Variants in PPP3CA observed in about 807,000 individuals in gnomAD.
PPP3CA encodes CAM-PRP catalytic subunit.
In PPP3CA, 14 loss-of-function variants were observed where a neutral mutation model predicts 66.5. The ratio of observed to expected loss-of-function variants is 0.21; its 90% CI spans 0.14 to 0.33. The LOEUF is 0.33. Ranked by LOEUF, PPP3CA falls within the 10% of genes least tolerant of loss-of-function variation. PPP3CA has a pLI of 1.00. For synonymous variants in PPP3CA, 232 were observed against 226.2 expected (o/e 1.03, Z -0.23); for missense variants, 317 against 639.5 (o/e 0.50, Z 5.44).
At chr4:101,069,828 A>AT (rs1314258702) in intron 8 of PPP3CA, among the ~76,000 whole-genome samples, 4 of 152,264 alleles carry the variant, frequency 2.6e-5, no homozygotes, top group Non-Finnish European at 2.9e-5. Flanking sequence ...CCTTCAGGAC[A>AT]TTTTTTTCTC....
chr4:101,295,055 A>G (rs2850360), intron 1 of PPP3CA, among the ~76,000 whole-genome samples: 28,268 of 151,128 alleles, frequency 0.19, 3,279 homozygotes, highest in East Asian at 0.48. Flanking sequence ...TAATCCCAGC[A>G]CTTTGGGAGG....
In PPP3CA at chr4:101,040,470, GA is replaced by G. The variant is rs1560574233; in HGVS notation, c.1241+11del. The G allele has an allele frequency of 6.3e-7, 1 of 1,578,614 alleles. No individual in the cohort carries two copies. The highest frequency in any genetic ancestry group is 8.6e-7 in the Non-Finnish European group (1 of 1,160,488). The stretch of plus-strand genomic sequence containing the variant: ...ACAATTTGAAACAAAAACAGAGTAC[GA>G]ATGCACCCACCTGAGCACTGAGAAC... On this transcript the variant is annotated intron_variant, in intron 11 of 13. Transcript: ENST00000394854.
chr4:101,222,037 T>C (rs1250918357), intron 1 of PPP3CA, among the ~76,000 whole-genome samples: 1 of 151,606 alleles, frequency 6.6e-6, no homozygotes, highest in Non-Finnish European at 1.5e-5. Context: ...GAATTTTTCT[T>C]ATTACTTCTC....
At chr4:101,087,636 TG>T (rs1729729047) in intron 6 of PPP3CA, among the ~76,000 whole-genome samples, 1 of 152,180 alleles carries the variant, frequency 6.6e-6, no homozygotes, top group African/African-American at 2.4e-5. Flanking sequence ...CATGTTGTTA[TG>T]TGTAGTTTTA....
intron 1 of PPP3CA, among the ~76,000 whole-genome samples, chr4:101,327,339 C>T (rs1729239114): frequency 6.6e-6 from 1 of 152,070 alleles, no homozygotes; most frequent in South Asian, 2.1e-4. Flanking sequence ...GAATCTACTA[C>T]AAATATGTTA....
chr4:101,079,046 A>G lies in PPP3CA; in HGVS notation c.955+1486T>C, dbSNP rs531808545. Among the ~76,000 whole-genome samples the G allele has an allele frequency of 2.2e-3, 337 of 152,314 alleles. 3 individuals carry two copies. The highest frequency in any genetic ancestry group is 7.6e-3 in the African/African-American group (314 of 41,554). ...GAGGACCCACTATGGTCAAAACGGC[A>G]ATGTAAAAGACCGTATGGCAACAGC... On this transcript the variant is annotated intron_variant, in intron 8 of 13. Transcript: ENST00000394854.
chr4:101,109,474 C>T (rs1462980905), intron 2 of PPP3CA, among the ~76,000 whole-genome samples: 1 of 151,580 alleles, frequency 6.6e-6, no homozygotes, highest in Non-Finnish European at 1.5e-5. Context: ...AAAGACGACA[C>T]CAAAGAATGG....
At chr4:101,064,744 G>A (rs150807783) in intron 8 of PPP3CA, among the ~76,000 whole-genome samples, 2 of 152,098 alleles carry the variant, frequency 1.3e-5, no homozygotes, top group Non-Finnish European at 2.9e-5. Context: ...ATGCCAGATT[G>A]GCAATGTCTC....
At chr4:101,132,827 G>A (rs1384825539) in intron 2 of PPP3CA, among the ~76,000 whole-genome samples, 3 of 152,136 alleles carry the variant, frequency 2.0e-5, no homozygotes, top group Non-Finnish European at 2.9e-5. Context: ...TATCCCTGAT[G>A]GACATCTATT....
At chr4:101,085,811 T>A (rs1364233439) in intron 6 of PPP3CA, among the ~76,000 whole-genome samples, 1 of 151,000 alleles carries the variant, frequency 6.6e-6, no homozygotes, top group African/African-American at 2.4e-5. Context: ...CACAAAATGT[T>A]CAAGCTGAAA....
chr4:101,287,883 C>A (rs1465683816), intron 1 of PPP3CA, among the ~76,000 whole-genome samples: 1 of 151,776 alleles, frequency 6.6e-6, no homozygotes, highest in Non-Finnish European at 1.5e-5. Context: ...AAGTTCTGTG[C>A]AAACTCAAGA....
At chr4:101,265,889 C>T (rs950653434) in intron 1 of PPP3CA, among the ~76,000 whole-genome samples, 1 of 151,984 alleles carries the variant, frequency 6.6e-6, no homozygotes, top group African/African-American at 2.4e-5. Flanking sequence ...GCAACATAAA[C>T]GTCTTTAAGA....
chr4:101,279,890 G>A (rs1406434864), intron 1 of PPP3CA, among the ~76,000 whole-genome samples: 2 of 152,218 alleles, frequency 1.3e-5, no homozygotes, highest in South Asian at 2.1e-4. Flanking sequence ...AGAATAAGGG[G>A]CTGCTGTTTC....
chr4:101,323,011 A>C (rs563027887), intron 1 of PPP3CA, among the ~76,000 whole-genome samples: 1 of 152,346 alleles, frequency 6.6e-6, no homozygotes, highest in South Asian at 2.1e-4. Context: ...CAGCATTAAA[A>C]TAAGTAAAAA....
chr4:101,086,234 T>C (rs1422804044), intron 6 of PPP3CA, among the ~76,000 whole-genome samples: 1 of 152,138 alleles, frequency 6.6e-6, no homozygotes, highest in Non-Finnish European at 1.5e-5. Flanking sequence ...TCTTTTGTTA[T>C]ATATTAAAGA....
intron 1 of PPP3CA, among the ~76,000 whole-genome samples, chr4:101,341,342 G>GA (rs1409253533): frequency 6.6e-6 from 1 of 151,644 alleles, no homozygotes; most frequent in African/African-American, 2.4e-5. Flanking sequence ...TTTCAAGCAA[G>GA]AAAAGCCTCT....
chr4:101,125,641 T>TA (rs1225340898), intron 2 of PPP3CA, among the ~76,000 whole-genome samples: 1 of 152,166 alleles, frequency 6.6e-6, no homozygotes, highest in Non-Finnish European at 1.5e-5. Flanking sequence ...GTGCATTTTT[T>TA]AAGAAGTAAA....
Position 101,025,186 on chromosome 4 carries a change from T to C in PPP3CA, c.*679A>G, listed in dbSNP as rs1726572318. 1 of 152,416 alleles carries C rather than the reference T, an allele frequency of 6.6e-6. No individual in the cohort carries two copies. 9.4% of individuals were successfully genotyped at this position (152,416 alleles called of 1,614,324 possible). A position where few individuals can be genotyped will look rare whatever the true frequency, so the allele number is the denominator to read the frequency against. ...AATTAAGAAGAAGATAAGTGTTATA[T>C]GGAAAGAAGGGCATTCAAGCACACT... On this transcript the variant is annotated 3_prime_UTR_variant, in exon 14 of 14. Transcript: ENST00000394854.
intron 1 of PPP3CA, among the ~76,000 whole-genome samples, chr4:101,306,737 TC>T (rs1200369628): frequency 3.9e-5 from 6 of 152,206 alleles, no homozygotes; most frequent in African/African-American, 1.4e-4. Flanking sequence ...AGTTGATATA[TC>T]GAGCATTACA....
Sources: allele counts gnomAD v4.1 joint callset (sites outside exome capture counted in the v4.1 genomes callset), GRCh38; gene constraint gnomAD v4.1.1; transcripts MANE v1.5; gene names NCBI Gene and HGNC (gene_info 2026-07-23, HGNC 2026-07-21).